The following HDAC4 variants were observed in gnomAD, a reference collection of about 807,000 sequenced individuals.
The protein encoded by HDAC4 is histone deacetylase 4.
Under a neutral mutation model 135.1 loss-of-function variants are expected in HDAC4, and 16 were observed. That is an observed-to-expected ratio of 0.12 (90% confidence interval 0.08 to 0.18). The LOEUF is 0.18. Among genes scored for constraint, HDAC4 ranks in the 10% least tolerant of loss-of-function variants. The pLI, the probability that HDAC4 is intolerant of heterozygous loss-of-function variation, is 1.00. For missense variants in HDAC4, 1,143 were observed against 1,511.8 expected (o/e 0.76, Z 4.05); for synonymous variants, 685 against 653.4 (o/e 1.05, Z -0.74).
At chr2:239,236,816 A>G in intron 2 of HDAC4, 152 bp from the exon 3 acceptor site, 4 of 718,094 alleles carry the variant, frequency 5.6e-6, no homozygotes, top group Non-Finnish European at 5.1e-6. Context: ...TTCATCATAG[A>G]TTATTTGTAT....
chr2:239,217,424 T>C (rs1416957832), intron 3 of HDAC4, among the ~76,000 whole-genome samples: 1 of 152,198 alleles, frequency 6.6e-6, no homozygotes, highest in Non-Finnish European at 1.5e-5. Context: ...AGTGATAGAA[T>C]CAGTAACCAT....
intron 3 of HDAC4, among the ~76,000 whole-genome samples, chr2:239,230,368 CAAAAAAAAAAAAAAAAAAAAAAGCAAAG>C (rs2047478368): frequency 1.3e-5 from 1 of 79,394 alleles, no homozygotes. Context: ...AGCAAGCAAG[CAAAAAAAAAAAAAAAAAAAAAAGCAAAG>C]CAGGTGACAT....
intron 2 of HDAC4, 110 bp from the exon 3 acceptor site, chr2:239,236,774 C>T: frequency 3.8e-6 from 3 of 784,976 alleles, no homozygotes; most frequent in Non-Finnish European, 6.7e-6. Context: ...ATGCATGTGT[C>T]CTTCCTACTT....
intron 2 of HDAC4, among the ~76,000 whole-genome samples, chr2:239,297,728 C>G (rs2051998681): frequency 6.6e-6 from 1 of 152,236 alleles, no homozygotes; most frequent in South Asian, 2.1e-4. Flanking sequence ...CCTCAGCACC[C>G]TCTGGGCTCA....
Position 239,139,792 on chromosome 2 carries a change from G to A in HDAC4, c.870C>T (p.Ser290=), listed in dbSNP as rs552983427. ...CGGAGCCTGGGGCGCTGCTGCACGC[G>A]GAGTCTGCGGAGGCAGAAATACCCT... The part of the protein sequence containing the change: ...LKKRPLDVTD[S]ACSSAPGSGP... Residue 290 remains serine (S), a synonymous_variant, in exon 9 of 27, where the codon TCC becomes TCT. Transcript: ENST00000543185. The surrounding 1 kb of genome is among the most constrained non-coding windows in gnomAD (Gnocchi z 5.3). 728 of 1,612,936 alleles carry A rather than the reference G, an allele frequency of 4.5e-4. 9 individuals are homozygous for A. In the South Asian group the frequency reaches 7.5e-3, roughly 17 times the overall value.
intron 24 of HDAC4, among the ~76,000 whole-genome samples, chr2:239,062,517 C>T (rs777873852): frequency 6.6e-5 from 10 of 152,360 alleles, no homozygotes; most frequent in East Asian, 3.9e-4. Flanking sequence ...AGTAAAAGAA[C>T]ATTTTCTTGT....
Position 239,115,287 on chromosome 2 carries a change from T to C in HDAC4, c.1557A>G (p.Pro519=), listed in dbSNP as rs752863500. The C allele has an allele frequency of 3.1e-6, 5 of 1,613,262 alleles. No individual in the cohort carries two copies. The East Asian group carries it at 8.9e-5, about 29-fold the overall frequency. The change falls in exon 13 of 27, where the codon CCA becomes CCG. Residue 519 remains proline (P), a synonymous_variant. Transcript: ENST00000543185. This position sits in a 1 kb window ranked among gnomAD's most constrained non-coding sequence, Gnocchi z 6.3. ...CCGGGTGGCTCTCCGGCTGCCGGGCTGGCTCGCTTGGCTTGGGGATGATCT... is the reference window on the plus strand; with the variant it reads ...CCGGGTGGCTCTCCGGCTGCCGGGCCGGCTCGCTTGGCTTGGGGATGATCT... ...MNKIIPKPSE[P]ARQPESHPEE... is the part of the protein sequence containing the mutation.
At chr2:239,108,945 T>C (rs1191216089) in intron 14 of HDAC4, among the ~76,000 whole-genome samples, 1 of 152,240 alleles carries the variant, frequency 6.6e-6, no homozygotes, top group Non-Finnish European at 1.5e-5. Flanking sequence ...AAAGGCAATG[T>C]GCCTGAACCC....
chr2:239,148,597 G>A (rs1032728789), intron 7 of HDAC4, among the ~76,000 whole-genome samples: 1 of 152,198 alleles, frequency 6.6e-6, no homozygotes, highest in Non-Finnish European at 1.5e-5. Context: ...CAGGAAACCC[G>A]TCCCAACCAA....
chr2:239,207,571 A>C (rs1380658143), intron 3 of HDAC4, among the ~76,000 whole-genome samples: 1 of 152,222 alleles, frequency 6.6e-6, no homozygotes, highest in Non-Finnish European at 1.5e-5. Flanking sequence ...GCAGAGATTT[A>C]AAAAATAAAA....
chr2:239,237,129 A>T (rs1559267063), intron 2 of HDAC4, among the ~76,000 whole-genome samples: 1 of 152,066 alleles, frequency 6.6e-6, no homozygotes, highest in African/African-American at 2.4e-5. Context: ...AGCTGAGGCC[A>T]CTCTAGCTGC....
chr2:239,252,445 C>A (rs1015885757), intron 2 of HDAC4, among the ~76,000 whole-genome samples: 1 of 152,230 alleles, frequency 6.6e-6, no homozygotes, highest in African/African-American at 2.4e-5. Context: ...ACACAGCCCA[C>A]GTTGTGGGAG....
chr2:239,165,461 G>A (rs1328159424), intron 5 of HDAC4, among the ~76,000 whole-genome samples: 1 of 152,062 alleles, frequency 6.6e-6, no homozygotes, highest in African/African-American at 2.4e-5. Context: ...TTCCGGCGAT[G>A]TGCACAGTGG....
At chr2:239,142,073 G>T (rs1259820359) in intron 8 of HDAC4, among the ~76,000 whole-genome samples, 1 of 152,126 alleles carries the variant, frequency 6.6e-6, no homozygotes, top group Non-Finnish European at 1.5e-5. Flanking sequence ...TGCAGAGTGA[G>T]AGAACTCAGG....
chr2:239,105,009 A>G (rs1165269808), intron 15 of HDAC4, among the ~76,000 whole-genome samples: 1 of 152,236 alleles, frequency 6.6e-6, no homozygotes, highest in Non-Finnish European at 1.5e-5. Context: ...CGTGCGGGAC[A>G]CCGCGATGGC....
chr2:239,211,149 T>G (rs1485897014), intron 3 of HDAC4, among the ~76,000 whole-genome samples: 2 of 152,230 alleles, frequency 1.3e-5, no homozygotes, highest in Non-Finnish European at 2.9e-5. Context: ...AATCACTTTC[T>G]CACAAAAAGA....
intron 3 of HDAC4, among the ~76,000 whole-genome samples, chr2:239,206,417 C>CAT (rs1044348785): frequency 1.3e-5 from 2 of 151,830 alleles, no homozygotes; most frequent in African/African-American, 4.8e-5. Context: ...CACACACACA[C>CAT]ATGGGTATGG....
chr2:239,207,418 C>T (rs1481885920), intron 3 of HDAC4, among the ~76,000 whole-genome samples: 1 of 152,090 alleles, frequency 6.6e-6, no homozygotes, highest in East Asian at 1.9e-4. Context: ...TACATACACT[C>T]ATATACACCA....
chr2:239,057,613 C>A (rs2032073580), intron 24 of HDAC4, among the ~76,000 whole-genome samples: 1 of 152,214 alleles, frequency 6.6e-6, no homozygotes, highest in Non-Finnish European at 1.5e-5. Flanking sequence ...TTAAGCCAAT[C>A]AATGTGTCAA....
Sources: gnomAD v4.1 joint callset for allele counts (sites outside exome capture counted in the v4.1 genomes callset) on GRCh38, gnomAD v4.1.1 for gene constraint, Gnocchi (gnomAD v3.1) non-coding constraint, MANE v1.5 for transcripts, NCBI Gene and HGNC (gene_info 2026-07-23, HGNC 2026-07-21) for gene names.